Variants in JHY observed in about 807,000 individuals in gnomAD.
JHY encodes the protein junctional cadherin complex regulator, also known as jhy protein homolog.
In JHY, 69 loss-of-function variants were observed where a neutral mutation model predicts 78.0. The ratio of observed to expected loss-of-function variants is 0.88; its 90% CI spans 0.73 to 1.08. The LOEUF (loss-of-function observed/expected upper bound fraction) is 1.08. Ranked by LOEUF, JHY falls within the 50% of genes least tolerant of loss-of-function variation. The pLI is 0.00. For synonymous variants in JHY, 368 were observed against 342.6 expected, an observed-to-expected ratio of 1.07 and a Z score of -0.82; for missense variants, 944 against 927.8, an observed-to-expected ratio of 1.02 and a Z score of -0.23.
intron 4 of JHY, among the ~76,000 whole-genome samples, chr11:122,931,533 C>A (rs911206217): frequency 6.6e-6 from 1 of 152,172 alleles, no homozygotes; most frequent in Non-Finnish European, 1.5e-5. Flanking sequence ...GCTTGAGATT[C>A]TCTTAATATT....
chr11:122,921,961 ACAGAG>A (rs1863375286), intron 3 of JHY, among the ~76,000 whole-genome samples: 1 of 152,168 alleles, frequency 6.6e-6, no homozygotes, highest in East Asian at 1.9e-4. Context: ...AGCCTGGACC[ACAGAG>A]CAAGATCTGG....
At chr11:122,895,482 A>G (rs1165284421) in intron 2 of JHY, among the ~76,000 whole-genome samples, 2 of 152,236 alleles carry the variant, frequency 1.3e-5, no homozygotes, top group Non-Finnish European at 2.9e-5. Flanking sequence ...AATATTGAAT[A>G]TGAGGCTCTT....
intron 6 of JHY, among the ~76,000 whole-genome samples, chr11:122,949,622 C>T (rs1020759390): frequency 6.6e-6 from 1 of 152,114 alleles, no homozygotes; most frequent in African/African-American, 2.4e-5. Flanking sequence ...CAGCTCACAA[C>T]CCTAGAGTTC....
intron 2 of JHY, among the ~76,000 whole-genome samples, chr11:122,901,602 G>A (rs1358623084): frequency 6.6e-6 from 1 of 151,556 alleles, no homozygotes; most frequent in Non-Finnish European, 1.5e-5. Flanking sequence ...GGCTGGGCGC[G>A]GTGGCTCACG....
At chr11:122,902,996 A>G (rs984509758) in intron 2 of JHY, among the ~76,000 whole-genome samples, 1 of 152,214 alleles carries the variant, frequency 6.6e-6, no homozygotes, top group Non-Finnish European at 1.5e-5. Context: ...TGTGTGCTAT[A>G]CTTTTATAGG....
chr11:122,953,601 C>CAAAAA (rs201261407), intron 6 of JHY, among the ~76,000 whole-genome samples: 2 of 64,414 alleles, frequency 3.1e-5, no homozygotes. Context: ...CACTCCATCT[C>CAAAAA]AAAAAAAAAA....
rs1254680706 is a variant in JHY at position 122,883,335 on chromosome 11, G to A, written c.-90+363G>A. ...GTAGAAAACCGAACGCCTCCCCTGG[G>A]CAGCTTCCGGCCTGTTTCAAACCAG... is the stretch of plus-strand genomic sequence containing the variant. On this transcript the variant is annotated intron_variant, in intron 1 of 8. Transcript: ENST00000227349. This position sits in a 1 kb window ranked among gnomAD's most constrained non-coding sequence, Gnocchi z 4.4. Among the ~76,000 whole-genome samples the A allele has an allele frequency of 6.6e-6, 1 of 152,158 alleles. No individual in the cohort carries two copies.
At position 122,885,972 on chromosome 11, in the gene JHY, C is replaced by G. The variant is rs529853078; in HGVS notation, c.123C>G (p.Asp41Glu). 2.0e-5 allele frequency: 33 copies of G among 1,614,078 alleles called. No homozygotes were observed. In the South Asian group the frequency reaches 3.6e-4, roughly 18 times the overall value. Residue 41 changes from aspartate to glutamate, a missense_variant, in exon 2 of 9, where the codon GAC becomes GAG. Transcript: ENST00000227349. The stretch of plus-strand genomic sequence containing the variant: ...AAGACTTACATCGGATTTCAAAAGA[C>G]TCCTTGGAATCTGATTCAGAAAGCC... ...KKEDLHRISK[D>E]SLESDSESLT...
At chr11:122,884,345 A>G (rs1476684554) in intron 1 of JHY, among the ~76,000 whole-genome samples, 2 of 152,200 alleles carry the variant, frequency 1.3e-5, no homozygotes, top group Non-Finnish European at 1.5e-5. Context: ...GTGTCATTTA[A>G]TTAAAGTTAG....
At chr11:122,905,191 C>A in intron 3 of JHY, 1 of 1,613,932 alleles carries the variant, frequency 6.2e-7, no homozygotes, top group Non-Finnish European at 8.5e-7. Flanking sequence ...AGAGTAAATT[C>A]TCTCCCACGT....
intron 4 of JHY, among the ~76,000 whole-genome samples, chr11:122,932,310 G>C (rs1716871007): frequency 6.6e-6 from 1 of 152,158 alleles, no homozygotes; most frequent in African/African-American, 2.4e-5. Context: ...TTATATGTAT[G>C]TGAATAGCAG....
At chr11:122,889,939 G>A (rs963532544) in intron 2 of JHY, among the ~76,000 whole-genome samples, 9 of 151,992 alleles carry the variant, frequency 5.9e-5, no homozygotes, top group African/African-American at 2.2e-4. Flanking sequence ...TAGAGATGGG[G>A]TCTTACCACA....
At chr11:122,959,194 A>G in intron 8 of JHY, 54 bp from the exon 9 acceptor site, 1 of 1,536,756 alleles carries the variant, frequency 6.5e-7, no homozygotes, top group Non-Finnish European at 8.8e-7. Flanking sequence ...ATTTAATTTA[A>G]GGAATCCAGG....
At chr11:122,912,999 GCT>G (rs1468859056) in intron 3 of JHY, among the ~76,000 whole-genome samples, 3 of 152,038 alleles carry the variant, frequency 2.0e-5, no homozygotes, top group East Asian at 1.9e-4. Flanking sequence ...CTTCTAACCA[GCT>G]CTCTCTTTTT....
chr11:122,925,139 G>A (rs1288978181), intron 4 of JHY, 129 bp downstream of exon 4: 3 of 717,170 alleles, frequency 4.2e-6, no homozygotes, highest in Non-Finnish European at 6.8e-6. Context: ...ACTTTCCTAT[G>A]GGTAAGACTG....
rs1472407855 is a variant in JHY at position 122,924,942 on chromosome 11, G to C, written c.910G>C (p.Ala304Pro). 12 of 1,613,980 alleles carry C rather than the reference G, an allele frequency of 7.4e-6. 1 individual carries two copies. The Admixed American group carries it at 2.0e-4, about 27-fold the overall frequency. Residue 304 changes from alanine to proline, a missense_variant, in exon 4 of 9, where the codon GCC (alanine) becomes CCC (proline). Transcript: ENST00000227349. ...AACAGACAAGACGTCTATTCAGAAT[G>C]CCAAGGAAATGGAAAATGCTGCCAT... ...RVTDKTSIQN[A>P]KEMENAAIDP...
chr11:122,940,580 A>T (rs1331298724), intron 5 of JHY, among the ~76,000 whole-genome samples: 2 of 152,324 alleles, frequency 1.3e-5, no homozygotes, highest in African/African-American at 4.8e-5. Context: ...TAAGGTAGCG[A>T]CTACCAGATC....
chr11:122,888,219 C>G (rs752069701), intron 2 of JHY, among the ~76,000 whole-genome samples: 13 of 152,120 alleles, frequency 8.5e-5, no homozygotes, highest in Non-Finnish European at 8.8e-5. Context: ...GCTGGGAAAG[C>G]CAGGCAGAGA....
rs1467235032 is a variant in JHY at position 122,962,041 on chromosome 11, AC to A, written c.*2597del. Among the ~76,000 whole-genome samples, 1 of 149,698 alleles carries A rather than the reference AC, an allele frequency of 6.7e-6. No homozygotes were observed. The highest frequency in any genetic ancestry group is 1.5e-5 in the Non-Finnish European group (1 of 66,774). ...TATTGTCAAATGTGTGTTTTCACAC[AC>A]ACAAAAATAGATAAGACAAAAGCAT... is the stretch of plus-strand genomic sequence containing the variant. On this transcript the variant is annotated 3_prime_UTR_variant, in exon 9 of 9. Transcript: ENST00000227349.
Sources: gnomAD v4.1 joint callset for allele counts (sites outside exome capture counted in the v4.1 genomes callset) on GRCh38, gnomAD v4.1.1 for gene constraint, Gnocchi (gnomAD v3.1) non-coding constraint, MANE v1.5 for transcripts, NCBI Gene and HGNC (gene_info 2026-07-23, HGNC 2026-07-21) for gene names.